The following SPATA9 variants were observed in gnomAD, a reference collection of about 807,000 sequenced individuals.
SPATA9 encodes the protein spermatogenesis-associated protein 9.
In SPATA9, 27 loss-of-function variants were observed where a neutral mutation model predicts 25.5. That is an observed-to-expected ratio of 1.06 (90% confidence interval 0.78 to 1.46). SPATA9 has a LOEUF of 1.46. Among genes scored for constraint, SPATA9 ranks in the 40% most tolerant of loss-of-function variants. The pLI, the probability that SPATA9 is intolerant of heterozygous loss-of-function variation, is 0.00. For missense variants in SPATA9, 282 were observed against 297.5 expected (o/e 0.95, Z 0.38); for synonymous variants, 102 against 105.7 (o/e 0.97, Z 0.21).
chr5:95,723,231 A>G, the SPATA9 span, among the ~76,000 whole-genome samples: 1 of 152,208 alleles, frequency 6.6e-6, no homozygotes, highest in Non-Finnish European at 1.5e-5. Context: ...ATGTTTTAAG[A>G]AAGTTCAAAA....
At chr5:95,671,259 G>A (rs1412945603) in intron 3 of SPATA9, among the ~76,000 whole-genome samples, 1 of 152,046 alleles carries the variant, frequency 6.6e-6, no homozygotes, top group Non-Finnish European at 1.5e-5. Flanking sequence ...TGATGTTTCT[G>A]TAGTGCACTT....
At chr5:95,729,416 C>T in the SPATA9 span, among the ~76,000 whole-genome samples, 1 of 152,164 alleles carries the variant, frequency 6.6e-6, no homozygotes, top group Non-Finnish European at 1.5e-5. Flanking sequence ...CTGACACTTC[C>T]AAGTTGTCAG....
chr5:95,682,389 A>T, intron 2 of SPATA9, 139 bp downstream of exon 2: 1 of 616,964 alleles, frequency 1.6e-6, no homozygotes, highest in Non-Finnish European at 2.8e-6. Context: ...AATATTTGAA[A>T]TTTGTTTTTC....
At chr5:95,702,551 A>G (rs775657032), upstream of SPATA9, among the ~76,000 whole-genome samples, 1 of 152,096 alleles carries the variant, frequency 6.6e-6, no homozygotes, top group Non-Finnish European at 1.5e-5. Context: ...ATTCTACATT[A>G]CCATCTAAGA....
chr5:95,694,481 A>G (rs1024338461), intron 1 of SPATA9, among the ~76,000 whole-genome samples: 1 of 152,224 alleles, frequency 6.6e-6, no homozygotes, highest in African/African-American at 2.4e-5. Flanking sequence ...TATCATGTTC[A>G]TTCAACAGTG....
intron 1 of SPATA9, among the ~76,000 whole-genome samples, chr5:95,690,665 C>T (rs1159665843): frequency 1.3e-5 from 2 of 151,980 alleles, no homozygotes; most frequent in African/African-American, 4.8e-5. Context: ...TAATGTAATG[C>T]AATATGAAGT....
chr5:95,713,537 T>G, the SPATA9 span: 3 of 152,218 alleles, frequency 2.0e-5, no homozygotes, highest in African/African-American at 7.3e-5. Flanking sequence ...CTGCCATGAT[T>G]GGAAATTTCC....
chr5:95,723,474 T>C, the SPATA9 span, among the ~76,000 whole-genome samples: 1 of 152,246 alleles, frequency 6.6e-6, no homozygotes, highest in Non-Finnish European at 1.5e-5. Flanking sequence ...ACTGACTAAA[T>C]GGTTATTGGC....
chr5:95,652,275 T>G (rs1750384127), downstream of SPATA9: 1 of 1,550,310 alleles, frequency 6.5e-7, no homozygotes, highest in African/African-American at 1.4e-5. Context: ...CCTCTAAATG[T>G]TGAAGTGTTT....
chr5:95,719,159 T>G, the SPATA9 span, among the ~76,000 whole-genome samples: 1 of 152,210 alleles, frequency 6.6e-6, no homozygotes, highest in African/African-American at 2.4e-5. Flanking sequence ...GAGCATTTAA[T>G]GAACAATGTG....
At chr5:95,699,070 C>T (rs1754112897), upstream of SPATA9, among the ~76,000 whole-genome samples, 2 of 152,166 alleles carry the variant, frequency 1.3e-5, no homozygotes, top group Non-Finnish European at 1.5e-5. Context: ...TAATAAAGTG[C>T]TTTCAATGCT....
the SPATA9 span, chr5:95,719,882 T>C: frequency 2.6e-5 from 4 of 152,248 alleles, no homozygotes; most frequent in Non-Finnish European, 5.9e-5. Context: ...GTTGGTATAG[T>C]TCTAATAAAA....
the SPATA9 span, among the ~76,000 whole-genome samples, chr5:95,726,903 A>T: frequency 1.3e-5 from 2 of 152,006 alleles, no homozygotes; most frequent in Non-Finnish European, 2.9e-5. Flanking sequence ...TTACTGGTCA[A>T]CCTGGGGTAC....
At chr5:95,720,370 G>C in the SPATA9 span, among the ~76,000 whole-genome samples, 1 of 152,166 alleles carries the variant, frequency 6.6e-6, no homozygotes, top group Non-Finnish European at 1.5e-5. Flanking sequence ...TTATGATGGG[G>C]ATCATTAGCA....
the SPATA9 span, chr5:95,716,996 A>C: frequency 6.6e-6 from 1 of 152,288 alleles, no homozygotes. Flanking sequence ...CCCTTTATAA[A>C]TTATGCAGTC....
chr5:95,660,385 A>G (rs1751153793), intron 4 of SPATA9, among the ~76,000 whole-genome samples: 1 of 152,194 alleles, frequency 6.6e-6, no homozygotes, highest in African/African-American at 2.4e-5. Context: ...ATTTGGGGGA[A>G]GCACGGACAT....
intron 1 of SPATA9, among the ~76,000 whole-genome samples, chr5:95,689,689 T>G (rs940812883): frequency 7.9e-5 from 12 of 152,060 alleles, no homozygotes; most frequent in African/African-American, 2.4e-4. Flanking sequence ...AATAAAAAAT[T>G]TCAGTGTAAG....
chr5:95,663,936 T>C lies in SPATA9; in HGVS notation c.474+17A>G, dbSNP rs1751512404. 1 of 1,392,472 alleles carries C rather than the reference T, an allele frequency of 7.2e-7. No homozygotes were observed. Among genetic ancestry groups the C allele is most frequent in the South Asian group, 1.4e-5 (1 of 73,872 alleles). The allele number at this position is 1,392,472 out of a possible 1,614,324, so 86.3% of individuals were successfully genotyped here. A position where few individuals can be genotyped will look rare whatever the true frequency, so the allele number is the denominator to read the frequency against. On this transcript the variant is annotated intron_variant, in intron 4 of 4. Coordinates refer to ENST00000274432, the MANE Select transcript of SPATA9 (RefSeq NM_031952.4). ...AAGTAGATTTATTTCTAGATTCTAA[T>C]AATTTTCTTAACTTACCAAATAAAT...
chr5:95,682,878 A>T lies in SPATA9; in HGVS notation c.-24T>A, dbSNP rs201595781. On this transcript the variant is annotated 5_prime_UTR_variant, in exon 1 of 5. Coordinates refer to ENST00000274432, the MANE Select transcript of SPATA9 (RefSeq NM_031952.4). The stretch of plus-strand genomic sequence containing the variant: ...ATGGTGAGTTCTTGCTTGGGTTCCT[A>T]GTCCTTAACAAGCTTGCAGGCCTGG... 2.7e-4 allele frequency: 401 copies of T among 1,498,644 alleles called. No homozygotes were observed. The African/African-American group carries it at 4.9e-3, about 18-fold the overall frequency. 92.8% of individuals were successfully genotyped at this position (1,498,644 alleles called of 1,614,324 possible).
Sources: gnomAD v4.1 joint callset for allele counts (sites outside exome capture counted in the v4.1 genomes callset) on GRCh38, gnomAD v4.1.1 for gene constraint, MANE v1.5 for transcripts, NCBI Gene and HGNC (gene_info 2026-07-23, HGNC 2026-07-21) for gene names.